The following AMELX variants were observed in gnomAD, a reference collection of about 807,000 sequenced individuals.
AMELX encodes the protein amelogenin, X isoform.
AMELX carries 9 observed loss-of-function variants against 15.8 expected under a neutral mutation model. The ratio of observed to expected loss-of-function variants is 0.57; its 90% CI spans 0.34 to 0.99. The LOEUF is 0.99. Ranked by LOEUF, AMELX falls within the 50% of genes least tolerant of loss-of-function variation. The pLI, the probability that AMELX is intolerant of heterozygous loss-of-function variation, is 0.02. For missense variants in AMELX, 107 were observed against 156.2 expected (o/e 0.68, Z 1.68); for synonymous variants, 61 against 58.8 (o/e 1.04, Z -0.17).
At chrX:11,296,979 T>C (rs1002215194) in intron 3 of AMELX, among the ~76,000 whole-genome samples, 153 bp downstream of exon 3, 11 of 111,554 alleles carry the variant, frequency 9.9e-5, no homozygotes, top group Non-Finnish European at 1.7e-4. Flanking sequence ...TAAGCTCTGA[T>C]GGTTGGCCTC....
chrX:11,305,759 A>G (rs1263654344), downstream of AMELX, among the ~76,000 whole-genome samples: 1 of 112,062 alleles, frequency 8.9e-6, no homozygotes, highest in Non-Finnish European at 1.9e-5. Context: ...GCAGTAATTT[A>G]AGATGCCTTA....
chrX:11,295,093 G>T (rs2048060805), intron 2 of AMELX, among the ~76,000 whole-genome samples: 1 of 112,025 alleles, frequency 8.9e-6, no homozygotes, highest in Non-Finnish European at 1.9e-5. Context: ...CACCCCAGGA[G>T]ATTCTGTTGG....
At chrX:11,308,533 A>G in the AMELX span, among the ~76,000 whole-genome samples, 1 of 111,611 alleles carries the variant, frequency 9.0e-6, no homozygotes, top group Non-Finnish European at 1.9e-5. Context: ...TCGATGTTAT[A>G]GAATCTTGAT....
downstream of AMELX, among the ~76,000 whole-genome samples, chrX:11,301,263 C>T (rs1159538671): frequency 9.0e-6 from 1 of 111,665 alleles, no homozygotes; most frequent in Non-Finnish European, 1.9e-5. Flanking sequence ...ATTTGTTTTC[C>T]TCAAAAAATG....
the AMELX span, among the ~76,000 whole-genome samples, chrX:11,309,269 C>T: frequency 9.0e-6 from 1 of 111,665 alleles, no homozygotes; most frequent in Non-Finnish European, 1.9e-5. Context: ...TACACCTCAG[C>T]AATAGCAGCA....
At chrX:11,297,370 C>A (rs1480288044) in intron 3 of AMELX, among the ~76,000 whole-genome samples, 1 of 111,611 alleles carries the variant, frequency 9.0e-6, no homozygotes, top group Non-Finnish European at 1.9e-5. Flanking sequence ...TGATTTTGGG[C>A]AAATCATTTC....
intron 4 of AMELX, 84 bp downstream of exon 4, chrX:11,298,361 T>G (rs978556232): frequency 5.3e-5 from 58 of 1,103,800 alleles, no homozygotes; most frequent in Non-Finnish European, 7.0e-5. Flanking sequence ...TCATGTCTAC[T>G]CCACATGCAG....
chrX:11,299,021 G>A, intron 5 of AMELX, 48 bp downstream of exon 5: 1 of 1,179,516 alleles, frequency 8.5e-7, no homozygotes, highest in Non-Finnish European at 1.1e-6. Context: ...TGAAAATGGT[G>A]CAGCAAAATA....
the AMELX span, among the ~76,000 whole-genome samples, chrX:11,308,367 A>G: frequency 3.6e-5 from 4 of 111,617 alleles, no homozygotes; most frequent in African/African-American, 1.3e-4. Context: ...TGGAATCATT[A>G]AAAAAAATAA....
chrX:11,293,625 T>C (rs777219573), intron 1 of AMELX, among the ~76,000 whole-genome samples, 157 bp downstream of exon 1: 2 of 112,235 alleles, frequency 1.8e-5, no homozygotes, highest in Non-Finnish European at 3.8e-5. Context: ...AGACTCTGAT[T>C]ACTGAAATGA....
At chrX:11,300,067 G>A (rs2048150480) in intron 5 of AMELX, among the ~76,000 whole-genome samples, 2 of 111,961 alleles carry the variant, frequency 1.8e-5, no homozygotes, top group Non-Finnish European at 3.8e-5. Context: ...TGAATCCCAA[G>A]TAATCGGTGC....
rs776762719 is a variant in AMELX at position 11,298,766 on chromosome X, G to A, written c.363G>A (p.Pro121=). 44 of 1,207,755 alleles carry A rather than the reference G, an allele frequency of 3.6e-5. No individual in the cohort carries two copies. The highest frequency in any genetic ancestry group is 2.1e-4 in the East Asian group (7 of 33,699). Residue 121 remains proline, a synonymous_variant, in exon 5 of 6, where the codon CCG becomes CCA. Transcript: ENST00000380714. ...PIQHHQPNLP[P]PAQQPYQPQP... is the part of the protein sequence containing the mutation. ...AACACCACCAGCCAAACCTCCCTCCGCCCGCCCAGCAGCCCTACCAGCCCC... is the reference window on the plus strand; with the variant it reads ...AACACCACCAGCCAAACCTCCCTCCACCCGCCCAGCAGCCCTACCAGCCCC...
downstream of AMELX, among the ~76,000 whole-genome samples, chrX:11,304,585 T>C (rs1348190616): frequency 2.8e-5 from 3 of 108,978 alleles, no homozygotes; most frequent in Non-Finnish European, 5.7e-5. Context: ...CAGGCAAGTG[T>C]CATGGGGGCG....
chrX:11,295,146 G>A (rs949997666), intron 2 of AMELX, among the ~76,000 whole-genome samples: 2 of 111,910 alleles, frequency 1.8e-5, no homozygotes, highest in Non-Finnish European at 1.9e-5. Context: ...CTAGATGGAG[G>A]AAGCTTTTGG....
intron 5 of AMELX, 139 bp downstream of exon 5, chrX:11,299,112 C>A: frequency 1.2e-6 from 1 of 808,183 alleles, no homozygotes; most frequent in Non-Finnish European, 1.8e-6. Flanking sequence ...TTAGTCCAAG[C>A]AATATGCTAT....
chrX:11,293,970 A>G (rs1215689924), intron 1 of AMELX, among the ~76,000 whole-genome samples: 1 of 112,520 alleles, frequency 8.9e-6, no homozygotes, highest in Non-Finnish European at 1.9e-5. Context: ...CAGTTTTCCC[A>G]GTAATTTGTG....
In AMELX at chrX:11,298,889, C is replaced by G. The variant is rs771211286; in HGVS notation, c.486C>G (p.Phe162Leu). 1 of 1,211,003 alleles carries G rather than the reference C, an allele frequency of 8.3e-7. No individual in the cohort carries two copies. Among genetic ancestry groups the G allele is most frequent in the Admixed American group, 2.2e-5 (1 of 45,938 alleles). Residue 162 changes from phenylalanine to leucine, a missense_variant, in exon 5 of 6, where the codon TTC becomes TTG. Transcript: ENST00000380714. ...CACAGCCACCTCTGCCTCCGATGTTCCCCATGCAGCCCCTGCCTCCCATGC... is the reference window on the plus strand; with the variant it reads ...CACAGCCACCTCTGCCTCCGATGTTGCCCATGCAGCCCCTGCCTCCCATGC... ...LPPQPPLPPMFPMQPLPPMLP... is the reference protein window; with the variant it reads ...LPPQPPLPPMLPMQPLPPMLP...
intron 3 of AMELX, 130 bp downstream of exon 3, chrX:11,296,956 C>G (rs759971590): frequency 1.2e-5 from 11 of 926,452 alleles, no homozygotes; most frequent in Middle Eastern, 2.7e-4. Context: ...TTCCTACCAC[C>G]AGCTTCCCAG....
chrX:11,298,369 C>G, intron 4 of AMELX, 92 bp downstream of exon 4: 1 of 1,105,832 alleles, frequency 9.0e-7, no homozygotes, highest in Non-Finnish European at 1.2e-6. Context: ...ACTCCACATG[C>G]AGACATTAAT....
Sources: allele counts gnomAD v4.1 joint callset (sites outside exome capture counted in the v4.1 genomes callset), GRCh38; gene constraint gnomAD v4.1.1; transcripts MANE v1.5; gene names NCBI Gene and HGNC (gene_info 2026-07-23, HGNC 2026-07-21).